FMNL2: variants seen among roughly 807,000 people sequenced by gnomAD.
FMNL2 encodes formin like 2, also known as formin-like protein 2.
Under a neutral mutation model 130.2 loss-of-function variants are expected in FMNL2, and 51 were observed. That is an observed-to-expected ratio of 0.39 (90% CI 0.31 to 0.49). The LOEUF (loss-of-function observed/expected upper bound fraction) is 0.49, where lower values mean the gene tolerates loss of function less well. FMNL2 is among the 20% of genes least tolerant of loss of function. FMNL2 has a pLI of 0.85. For missense variants in FMNL2, 977 were observed against 1,316.2 expected, an observed-to-expected ratio of 0.74 and a Z score of 3.99; for synonymous variants, 465 against 467.1, an observed-to-expected ratio of 1.00 and a Z score of 0.06.
At chr2:152,573,925 G>A (rs1696320826) in intron 6 of FMNL2, among the ~76,000 whole-genome samples, 1 of 152,150 alleles carries the variant, frequency 6.6e-6, no homozygotes, top group African/African-American at 2.4e-5. Flanking sequence ...TCCAGAAAAT[G>A]TATTTGAGAT....
Position 152,593,885 on chromosome 2 carries a change from G to GTA in FMNL2, c.876+12837_876+12838insAT, listed in dbSNP as rs1447297612. Among the ~76,000 whole-genome samples the GTA allele has an allele frequency of 6.4e-5, 7 of 109,696 alleles. No individual in the cohort carries two copies. The Admixed American group carries it at 6.6e-4, about 10-fold the overall frequency. The allele number at this position is 109,696 out of a possible 152,430, so 72.0% of individuals were successfully genotyped here. A position where few individuals can be genotyped will look rare whatever the true frequency, so the allele number is the denominator to read the frequency against. ...AGTGTGTGTGTGTGTGTGTGTGTGT[G>GTA]TGTGTGTGTGTGTGTGTGAGAGAGA... On this transcript the variant is annotated intron_variant, in intron 9 of 25. Transcript: ENST00000288670.
At chr2:152,451,149 T>G (rs1323427299) in intron 1 of FMNL2, among the ~76,000 whole-genome samples, 2 of 151,358 alleles carry the variant, frequency 1.3e-5, no homozygotes, top group East Asian at 1.9e-4. Flanking sequence ...TGGACTTCAG[T>G]TTTTTTTTGT....
intron 25 of FMNL2, among the ~76,000 whole-genome samples, chr2:152,644,829 T>TG (rs34608329): frequency 7.9e-5 from 12 of 151,904 alleles, no homozygotes; most frequent in Non-Finnish European, 1.3e-4. Flanking sequence ...GTTTTTAAAT[T>TG]GGGGGGGAAA....
chr2:152,485,446 G>C (rs967984949), intron 1 of FMNL2, among the ~76,000 whole-genome samples: 1 of 152,166 alleles, frequency 6.6e-6, no homozygotes, highest in Admixed American at 6.5e-5. Context: ...CCAGCTACTC[G>C]GGAGGCTGAA....
At chr2:152,502,007 G>C (rs149674309) in intron 1 of FMNL2, among the ~76,000 whole-genome samples, 4 of 152,316 alleles carry the variant, frequency 2.6e-5, no homozygotes, top group Non-Finnish European at 4.4e-5. Flanking sequence ...CAGTAGCTTT[G>C]AGTAGTTTTT....
chr2:152,392,812 A>T (rs1438905838), intron 1 of FMNL2, among the ~76,000 whole-genome samples: 2 of 152,140 alleles, frequency 1.3e-5, no homozygotes, highest in African/African-American at 4.8e-5. Flanking sequence ...TGACTGACAG[A>T]TGGATCCTCC....
chr2:152,566,907 G>A (rs999305835), intron 6 of FMNL2, among the ~76,000 whole-genome samples: 1 of 152,180 alleles, frequency 6.6e-6, no homozygotes, highest in Non-Finnish European at 1.5e-5. Context: ...GAAGTCAGGA[G>A]AGTGATCTGA....
chr2:152,394,162 T>C (rs1449569415), intron 1 of FMNL2, among the ~76,000 whole-genome samples: 1 of 152,204 alleles, frequency 6.6e-6, no homozygotes, highest in Non-Finnish European at 1.5e-5. Flanking sequence ...AATTTTAAAT[T>C]TCTGACCATT....
intron 9 of FMNL2, among the ~76,000 whole-genome samples, chr2:152,593,898 T>A (rs1472542823): frequency 9.0e-5 from 7 of 78,110 alleles, no homozygotes; most frequent in East Asian, 2.8e-4. Context: ...TGTGTGTGTG[T>A]GTGTGAGAGA....
At chr2:152,434,150 G>A (rs983859412) in intron 1 of FMNL2, among the ~76,000 whole-genome samples, 1 of 152,168 alleles carries the variant, frequency 6.6e-6, no homozygotes, top group African/African-American at 2.4e-5. Flanking sequence ...AAGTTGCTTA[G>A]TAATTAGCAT....
At chr2:152,454,493 C>T (rs969939403) in intron 1 of FMNL2, among the ~76,000 whole-genome samples, 3 of 151,950 alleles carry the variant, frequency 2.0e-5, no homozygotes, top group Admixed American at 6.6e-5. Context: ...TAATGTTTCA[C>T]TTGTGAAAGA....
chr2:152,401,195 T>TG (rs1435561051), intron 1 of FMNL2, among the ~76,000 whole-genome samples: 1 of 152,216 alleles, frequency 6.6e-6, no homozygotes, highest in African/African-American at 2.4e-5. Flanking sequence ...TCTGAAAGTT[T>TG]GGGGAATTTA....
At chr2:152,354,040 A>G (rs914316854) in intron 1 of FMNL2, among the ~76,000 whole-genome samples, 2 of 135,484 alleles carry the variant, frequency 1.5e-5, no homozygotes, top group Non-Finnish European at 3.3e-5. Context: ...ACTTGGATTT[A>G]TGTTGACTCT....
intron 4 of FMNL2, among the ~76,000 whole-genome samples, chr2:152,556,327 T>C (rs1360983825): frequency 6.6e-6 from 1 of 152,168 alleles, no homozygotes; most frequent in Non-Finnish European, 1.5e-5. Flanking sequence ...GAGGATCTTG[T>C]AGCTTTGAAA....
At chr2:152,517,564 G>A (rs980510034) in intron 1 of FMNL2, among the ~76,000 whole-genome samples, 3 of 152,104 alleles carry the variant, frequency 2.0e-5, no homozygotes, top group Admixed American at 6.6e-5. Context: ...CTGGAGTAGT[G>A]GGGGGAAGGT....
chr2:152,465,637 C>T (rs551740032), intron 1 of FMNL2, among the ~76,000 whole-genome samples: 4 of 152,292 alleles, frequency 2.6e-5, no homozygotes, highest in East Asian at 1.9e-4. Flanking sequence ...ATATCCCCAC[C>T]CCCCATCTGG....
At chr2:152,349,213 G>A (rs946535725) in intron 1 of FMNL2, among the ~76,000 whole-genome samples, 7 of 151,048 alleles carry the variant, frequency 4.6e-5, no homozygotes, top group African/African-American at 1.7e-4. Flanking sequence ...AGGTGGTGAA[G>A]TTTGTGATCC....
chr2:152,511,661 A>T (rs6737006), intron 1 of FMNL2, among the ~76,000 whole-genome samples: 50,648 of 152,008 alleles, frequency 0.33, 8,765 homozygotes, highest in East Asian at 0.58. Flanking sequence ...GCTTGAGTAT[A>T]GAATCCAGGT....
chr2:152,642,324 C>G (rs1236220010), intron 25 of FMNL2, among the ~76,000 whole-genome samples: 2 of 152,142 alleles, frequency 1.3e-5, no homozygotes, highest in African/African-American at 2.4e-5. Flanking sequence ...CTCAACAGCT[C>G]AAACCCAGGG....
Sources: allele counts gnomAD v4.1 joint callset (sites outside exome capture counted in the v4.1 genomes callset), GRCh38; gene constraint gnomAD v4.1.1; transcripts MANE v1.5; gene names NCBI Gene and HGNC (gene_info 2026-07-23, HGNC 2026-07-21).